The following ADH5 variants were observed in gnomAD, a reference collection of about 807,000 sequenced individuals.
ADH5 encodes alcohol dehydrogenase 5 (class III), chi polypeptide.
ADH5 carries 32 observed loss-of-function variants against 40.3 expected under a neutral mutation model. That is an observed-to-expected ratio of 0.79 (90% CI 0.60 to 1.07). The LOEUF is 1.07. Ranked by LOEUF, ADH5 falls within the 50% of genes least tolerant of loss-of-function variation. The probability of loss-of-function intolerance (pLI) is 0.00; values close to 1 mark genes in which losing one functional copy is unlikely to be tolerated. For missense variants in ADH5, 353 were observed against 460.5 expected (o/e 0.77, Z 2.14); for synonymous variants, 125 against 154.3 (o/e 0.81, Z 1.41).
chr4:99,081,323 C>T (rs752726714), intron 4 of ADH5, 42 bp downstream of exon 4: 18 of 1,284,696 alleles, frequency 1.4e-5, no homozygotes, highest in Non-Finnish European at 1.8e-5. Flanking sequence ...TTAATTATCC[C>T]GCAGCACTTG....
chr4:99,081,575 C>CT lies in ADH5; in HGVS notation c.257-124dup, dbSNP rs1187507312. On this transcript the variant is annotated intron_variant, in intron 3 of 8. Coordinates refer to ENST00000296412, the MANE Select transcript of ADH5 (RefSeq NM_000671.4). ...AAGTTAAAAACTTCAAGTCTTAGAA[C>CT]TTTACCTAGGTAACATCATTCAGAT... 5 of 685,708 alleles carry CT rather than the reference C, an allele frequency of 7.3e-6. No individual in the cohort carries two copies. In the African/African-American group the frequency reaches 9.1e-5, roughly 12 times the overall value. The allele number at this position is 685,708 out of a possible 1,614,324, so 42.5% of individuals were successfully genotyped here. A position where few individuals can be genotyped will look rare whatever the true frequency, so the allele number is the denominator to read the frequency against.
chr4:99,082,029 C>T lies in ADH5; in HGVS notation c.202G>A (p.Glu68Lys), dbSNP rs1420553424. ...ACACTTTCCACAATTCCAGCACCTT[C>T]ATGTCCCAAGATCACTGGAAAACAA... is the stretch of plus-strand genomic sequence containing the variant. ...EGCFPVILGH[E>K]GAGIVESVGE... is the part of the protein sequence containing the mutation. The change falls in exon 3 of 9, where the codon GAA becomes AAA. Residue 68 changes from glutamate (E) to lysine (K), a missense_variant. Transcript: ENST00000296412. 2.5e-6 allele frequency: 4 copies of T among 1,613,812 alleles called. No individual in the cohort carries two copies. In the Admixed American group the frequency reaches 6.7e-5, roughly 27 times the overall value.
At chr4:99,083,868 T>C (rs1728076334) in intron 2 of ADH5, among the ~76,000 whole-genome samples, 1 of 152,200 alleles carries the variant, frequency 6.6e-6, no homozygotes, top group African/African-American at 2.4e-5. Context: ...GTTTTCTACA[T>C]GCCAAGGTTT....
intron 7 of ADH5, 141 bp downstream of exon 7, chr4:99,074,773 A>T (rs1332372197): frequency 2.0e-6 from 2 of 1,018,136 alleles, no homozygotes; most frequent in Admixed American, 5.3e-5. Flanking sequence ...CTAATAAAAC[A>T]GCCTTGCATG....
At chr4:99,082,160 G>C in intron 2 of ADH5, 44 bp from the exon 3 acceptor site, 1 of 1,590,742 alleles carries the variant, frequency 6.3e-7, no homozygotes, top group Non-Finnish European at 8.6e-7. Context: ...ATGTGTGCAT[G>C]CAATTCAGAG....
chr4:99,073,697 T>G (rs553959606), intron 7 of ADH5, among the ~76,000 whole-genome samples: 6 of 152,236 alleles, frequency 3.9e-5, no homozygotes, highest in Non-Finnish European at 8.8e-5. Flanking sequence ...AATGTCCTGG[T>G]AACTGAGATG....
At chr4:99,074,598 T>C (rs1727887866) in intron 7 of ADH5, among the ~76,000 whole-genome samples, 1 of 152,214 alleles carries the variant, frequency 6.6e-6, no homozygotes, top group Non-Finnish European at 1.5e-5. Context: ...TTGCTTACTT[T>C]GCAATCAACT....
chr4:99,072,544 A>T, intron 8 of ADH5, 29 bp downstream of exon 8: 1 of 1,608,128 alleles, frequency 6.2e-7, no homozygotes, highest in Non-Finnish European at 8.5e-7. Context: ...TCATTATTAC[A>T]TTCTATGATA....
intron 2 of ADH5, among the ~76,000 whole-genome samples, chr4:99,082,949 T>G: frequency 6.6e-6 from 1 of 152,200 alleles, no homozygotes; most frequent in East Asian, 1.9e-4. Flanking sequence ...GTGCTGGGAT[T>G]ATAGGCGTGA....
At chr4:99,074,793 A>ATT in intron 7 of ADH5, 121 bp downstream of exon 7, 1 of 1,168,808 alleles carries the variant, frequency 8.6e-7, no homozygotes, top group Admixed American at 2.5e-5. Context: ...GCAACAACTT[A>ATT]TAATGAGAAG....
At chr4:99,081,172 G>A (rs149079281) in intron 4 of ADH5, among the ~76,000 whole-genome samples, 193 bp downstream of exon 4, 152 of 149,662 alleles carry the variant, frequency 1.0e-3, no homozygotes, top group African/African-American at 3.6e-3. Flanking sequence ...CCCTACAAAG[G>A]TCTCCCCCCA....
Position 99,088,740 on chromosome 4 carries a change from G to C in ADH5, c.-40C>G. On this transcript the variant is annotated 5_prime_UTR_variant, in exon 1 of 9. Coordinates refer to ENST00000296412, the MANE Select transcript of ADH5 (RefSeq NM_000671.4). ...GTCGGCGCGGGGGGCTGACATCCGG[G>C]GTGGGCCGCGCAGCGACGGAGGCAT... The C allele has an allele frequency of 1.2e-6, 2 of 1,601,174 alleles. No homozygotes were observed. The highest frequency in any genetic ancestry group is 1.7e-6 in the Non-Finnish European group (2 of 1,173,340).
In ADH5 at chr4:99,075,114, C is replaced by T. The variant is rs1387396948; in HGVS notation, c.826-65G>A. On this transcript the variant is annotated intron_variant, in intron 6 of 8. Coordinates refer to ENST00000296412, the MANE Select transcript of ADH5 (RefSeq NM_000671.4). ...GCATTTTCCTGAGAACAACTGCTGG[C>T]GAAACTTCTAGAGATGGCATAGTTT... 1.2e-5 allele frequency: 16 copies of T among 1,379,728 alleles called. No homozygotes were observed. The Middle Eastern group carries it at 5.8e-4, about 50-fold the overall frequency. 85.5% of individuals were successfully genotyped at this position (1,379,728 alleles called of 1,614,324 possible). A position where few individuals can be genotyped will look rare whatever the true frequency, so the allele number is the denominator to read the frequency against.
At position 99,085,193 on chromosome 4, in the gene ADH5, A is replaced by G; in HGVS notation, c.36T>C (p.Val12=). 1 of 1,539,422 alleles carries G rather than the reference A, an allele frequency of 6.5e-7. No homozygotes were observed. Among genetic ancestry groups the G allele is most frequent in the Non-Finnish European group, 8.8e-7 (1 of 1,140,782 alleles). ...AGAGAGGCTTTCCAGCCTCCCAAGC[A>G]ACTGCAGCCTTGCACTTGATAACCT... ...ANEVIKCKAA[V]AWEAGKPLSI... The change falls in exon 2 of 9, where the codon GTT becomes GTC. Residue 12 remains valine, a synonymous_variant. Transcript: ENST00000296412.
intron 5 of ADH5, 63 bp downstream of exon 5, chr4:99,076,641 C>G: frequency 6.3e-7 from 1 of 1,594,926 alleles, no homozygotes; most frequent in Non-Finnish European, 8.5e-7. Context: ...TTTCACTATT[C>G]CAGGAAAGTT....
chr4:99,088,758 G>A lies in ADH5; in HGVS notation c.-58C>T, dbSNP rs570148536. The stretch of plus-strand genomic sequence containing the variant: ...CATCCGGGGTGGGCCGCGCAGCGAC[G>A]GAGGCATGGGCGTGGCGAGCGCCTA... On this transcript the variant is annotated 5_prime_UTR_variant, in exon 1 of 9. Coordinates refer to ENST00000296412, the MANE Select transcript of ADH5 (RefSeq NM_000671.4). The A allele has an allele frequency of 1.3e-5, 20 of 1,564,904 alleles. 1 individual carries two copies. In the African/African-American group the frequency reaches 1.8e-4, roughly 14 times the overall value.
At chr4:99,086,283 T>TATACC (rs28730575) in intron 1 of ADH5, among the ~76,000 whole-genome samples, 5 of 151,418 alleles carry the variant, frequency 3.3e-5, no homozygotes, top group African/African-American at 1.2e-4. Context: ...ACGTGACTAA[T>TATACC]TATAGCACAC....
At chr4:99,075,139 T>C in intron 6 of ADH5, 90 bp from the exon 7 acceptor site, 1 of 1,234,988 alleles carries the variant, frequency 8.1e-7, no homozygotes, top group Non-Finnish European at 1.1e-6. Context: ...TGGCATAGTT[T>C]TTAAAGATAA....
chr4:99,084,425 G>A (rs1728089453), intron 2 of ADH5, among the ~76,000 whole-genome samples: 1 of 152,174 alleles, frequency 6.6e-6, no homozygotes, highest in African/African-American at 2.4e-5. Context: ...TCTCACCAGT[G>A]CCACGAGTTT....
Sources: gnomAD v4.1 joint callset for allele counts (sites outside exome capture counted in the v4.1 genomes callset) on GRCh38, gnomAD v4.1.1 for gene constraint, MANE v1.5 for transcripts, NCBI Gene and HGNC (gene_info 2026-07-23, HGNC 2026-07-21) for gene names.